Variants in NFIB observed in about 807,000 individuals in gnomAD.
NFIB encodes the protein nuclear factor 1 B-type.
Under a neutral mutation model 61.5 loss-of-function variants are expected in NFIB, and 11 were observed. The ratio of observed to expected loss-of-function variants is 0.18; its 90% CI spans 0.11 to 0.30. The LOEUF (loss-of-function observed/expected upper bound fraction) is 0.30. NFIB is among the 10% of genes least tolerant of loss of function. The probability of loss-of-function intolerance (pLI) is 1.00; values close to 1 mark genes in which losing one functional copy is unlikely to be tolerated. For missense variants in NFIB, 471 were observed against 608.9 expected (o/e 0.77, Z 2.38); for synonymous variants, 260 against 216.5 (o/e 1.20, Z -1.76).
chr9:14,409,565 G>A, the NFIB span, among the ~76,000 whole-genome samples: 1 of 152,180 alleles, frequency 6.6e-6, no homozygotes, highest in Admixed American at 6.5e-5. Context: ...AGAAGACAGG[G>A]CAGTGCCCCA....
At chr9:14,496,808 A>G in the NFIB span, among the ~76,000 whole-genome samples, 1 of 152,212 alleles carries the variant, frequency 6.6e-6, no homozygotes, top group South Asian at 2.1e-4. Flanking sequence ...CATGGACTTT[A>G]TCAGACACTT....
At chr9:14,358,413 A>T (rs1043651950) in intron 1 of NFIB, among the ~76,000 whole-genome samples, 28 of 152,208 alleles carry the variant, frequency 1.8e-4, no homozygotes, top group African/African-American at 5.8e-4. Flanking sequence ...ACTAAAATGG[A>T]AATGTGAAAA....
At chr9:14,447,715 G>T in the NFIB span, among the ~76,000 whole-genome samples, 1 of 152,042 alleles carries the variant, frequency 6.6e-6, no homozygotes, top group East Asian at 1.9e-4. Context: ...ATAATTCTTT[G>T]GGATACAGGC....
chr9:14,131,015 C>T (rs1458338166), intron 6 of NFIB, among the ~76,000 whole-genome samples: 1 of 151,830 alleles, frequency 6.6e-6, no homozygotes, highest in East Asian at 1.9e-4. Flanking sequence ...GTAGAGAGGG[C>T]AGAAATTAAA....
chr9:14,420,435 G>C, the NFIB span, among the ~76,000 whole-genome samples: 1 of 65,448 alleles, frequency 1.5e-5, no homozygotes, highest in Admixed American at 2.6e-4. Context: ...AACAGAGCGA[G>C]ACTCCGTCTC....
intron 5 of NFIB, among the ~76,000 whole-genome samples, chr9:14,148,600 CA>C (rs1351821583): frequency 2.0e-5 from 3 of 152,084 alleles, no homozygotes; most frequent in Non-Finnish European, 4.4e-5. Flanking sequence ...TGGGGAGACA[CA>C]TTTGGAGAGA....
At chr9:14,455,483 G>A in the NFIB span, among the ~76,000 whole-genome samples, 16 of 152,152 alleles carry the variant, frequency 1.1e-4, no homozygotes, top group South Asian at 2.1e-4. Context: ...TTTAGTTAGT[G>A]GAGGGGTGAG....
the NFIB span, among the ~76,000 whole-genome samples, chr9:14,427,937 G>GTGTTT: frequency 1.2e-3 from 52 of 43,418 alleles, 5 homozygotes; most frequent in African/African-American, 3.7e-3. Context: ...TAATTCAGTT[G>GTGTTT]TTTTTTTTTT....
intron 1 of NFIB, among the ~76,000 whole-genome samples, chr9:14,319,958 C>A (rs893860801): frequency 6.6e-6 from 1 of 152,154 alleles, no homozygotes; most frequent in African/African-American, 2.4e-5. Context: ...TAAACTTTAT[C>A]TCTGAGTGTA....
intron 3 of NFIB, among the ~76,000 whole-genome samples, chr9:14,177,153 C>A (rs2046282041): frequency 1.3e-5 from 2 of 152,280 alleles, no homozygotes; most frequent in South Asian, 4.1e-4. Flanking sequence ...TTTTCTCATA[C>A]ATGGATCGTG....
At chr9:14,261,235 T>C (rs2056721906) in intron 2 of NFIB, among the ~76,000 whole-genome samples, 1 of 151,888 alleles carries the variant, frequency 6.6e-6, no homozygotes, top group Non-Finnish European at 1.5e-5. Flanking sequence ...GAGAATCACT[T>C]GAATCTGGGA....
At chr9:14,250,922 A>C (rs2055534272) in intron 2 of NFIB, among the ~76,000 whole-genome samples, 1 of 152,220 alleles carries the variant, frequency 6.6e-6, no homozygotes, top group South Asian at 2.1e-4. Context: ...GAGTTAATAA[A>C]AGTTTTTTTG....
chr9:14,503,657 AC>A, the NFIB span, among the ~76,000 whole-genome samples: 1 of 151,636 alleles, frequency 6.6e-6, no homozygotes, highest in Non-Finnish European at 1.5e-5. Context: ...CATTTAGCCC[AC>A]TTTTTGTTGG....
intron 2 of NFIB, among the ~76,000 whole-genome samples, chr9:14,192,247 C>T (rs2048026367): frequency 6.6e-6 from 1 of 152,174 alleles, no homozygotes; most frequent in Admixed American, 6.5e-5. Flanking sequence ...GCAAAACCAT[C>T]TAACAGCAAG....
At chr9:14,355,336 G>A (rs551677757) in intron 1 of NFIB, among the ~76,000 whole-genome samples, 6 of 152,150 alleles carry the variant, frequency 3.9e-5, no homozygotes, top group Admixed American at 2.6e-4. Context: ...TACAAAGAAA[G>A]AGGCCTCGGA....
At chr9:14,404,417 C>G in the NFIB span, among the ~76,000 whole-genome samples, 2 of 152,190 alleles carry the variant, frequency 1.3e-5, no homozygotes, top group Non-Finnish European at 2.9e-5. Flanking sequence ...GGATAGGAAT[C>G]AAGACCACAT....
At chr9:14,344,898 G>C (rs1051854087) in intron 1 of NFIB, among the ~76,000 whole-genome samples, 1 of 152,176 alleles carries the variant, frequency 6.6e-6, no homozygotes, top group African/African-American at 2.4e-5. Flanking sequence ...CAATCTTGAG[G>C]GTTTAAATAA....
chr9:14,219,758 T>C (rs2051413217), intron 2 of NFIB, among the ~76,000 whole-genome samples: 2 of 152,202 alleles, frequency 1.3e-5, no homozygotes, highest in African/African-American at 4.8e-5. Flanking sequence ...TTTGATGGGA[T>C]ATAAGAAATT....
Position 14,088,175 on chromosome 9 carries a change from T to C in NFIB, c.*134A>G. On this transcript the variant is annotated 3_prime_UTR_variant, in exon 11 of 11. Coordinates refer to ENST00000380953, the MANE Select transcript of NFIB (RefSeq NM_001190737.2). The stretch of plus-strand genomic sequence containing the variant: ...TATTTAAAAAAAAAATTTCTTAAAC[T>C]ATTGTTGTGTTTCTTTTTCCCTCAG... 1.4e-6 allele frequency: 2 copies of C among 1,474,506 alleles called. No homozygotes were observed. Among genetic ancestry groups the C allele is most frequent in the Non-Finnish European group, 1.8e-6 (2 of 1,103,652 alleles). 91.3% of individuals were successfully genotyped at this position (1,474,506 alleles called of 1,614,324 possible). A position where few individuals can be genotyped will look rare whatever the true frequency, so the allele number is the denominator to read the frequency against.
Sources: gnomAD v4.1 joint callset for allele counts (sites outside exome capture counted in the v4.1 genomes callset) on GRCh38, gnomAD v4.1.1 for gene constraint, MANE v1.5 for transcripts, NCBI Gene and HGNC (gene_info 2026-07-23, HGNC 2026-07-21) for gene names.